NUP153: variants seen among roughly 807,000 people sequenced by gnomAD.
The protein encoded by NUP153 is nucleoporin 153, also known as nuclear pore complex protein Nup153.
NUP153 carries 27 observed loss-of-function variants against 134.6 expected under a neutral mutation model. The observed-to-expected ratio is 0.20, with a 90% CI of 0.15 to 0.28. The LOEUF (loss-of-function observed/expected upper bound fraction) is 0.28, where lower values mean the gene tolerates loss of function less well. NUP153 is among the 10% of genes least tolerant of loss of function. The pLI, the probability that NUP153 is intolerant of heterozygous loss-of-function variation, is 1.00. For synonymous variants in NUP153, 640 were observed against 623.5 expected (o/e 1.03, Z -0.40); for missense variants, 1,821 against 1,731.3 (o/e 1.05, Z -0.92).
At chr6:17,650,916 G>C (rs551724553) in intron 11 of NUP153, among the ~76,000 whole-genome samples, 16 of 152,266 alleles carry the variant, frequency 1.1e-4, no homozygotes, top group African/African-American at 3.4e-4. Flanking sequence ...ATTTTTACAG[G>C]ATGTGGTATG....
intron 1 of NUP153, among the ~76,000 whole-genome samples, chr6:17,693,816 G>C (rs1157296386): frequency 2.0e-5 from 3 of 152,050 alleles, no homozygotes; most frequent in African/African-American, 7.2e-5. Flanking sequence ...AACCCAGGAG[G>C]CAGAGGTTGC....
At chr6:17,690,323 T>C (rs1769201389) in intron 1 of NUP153, among the ~76,000 whole-genome samples, 1 of 110,256 alleles carries the variant, frequency 9.1e-6, no homozygotes, top group Non-Finnish European at 2.3e-5. Flanking sequence ...AAATAATTGC[T>C]TGAGAAAGCT....
At chr6:17,668,401 T>C (rs1767682050) in intron 8 of NUP153, among the ~76,000 whole-genome samples, 1 of 151,838 alleles carries the variant, frequency 6.6e-6, no homozygotes, top group Non-Finnish European at 1.5e-5. Context: ...TTTTTATTTA[T>C]CAAAAGGTAA....
intron 14 of NUP153, among the ~76,000 whole-genome samples, chr6:17,643,533 AT>A (rs1261463923): frequency 1.3e-5 from 2 of 152,174 alleles, no homozygotes; most frequent in African/African-American, 4.8e-5. Flanking sequence ...CAAACTTATA[AT>A]TTAATCACGT....
chr6:17,658,400 G>GAAAAC (rs550067793), intron 11 of NUP153, among the ~76,000 whole-genome samples: 54 of 152,122 alleles, frequency 3.5e-4, no homozygotes, highest in African/African-American at 9.9e-4. Context: ...TCTCAAAACA[G>GAAAAC]AAAACAAAAC....
chr6:17,647,976 T>C, intron 12 of NUP153, 71 bp from the exon 13 acceptor site: 1 of 897,148 alleles, frequency 1.1e-6, no homozygotes, highest in Non-Finnish European at 1.8e-6. Flanking sequence ...AAAAAAGACA[T>C]TAAGCAAACT....
chr6:17,654,843 T>TA (rs1204683641), intron 11 of NUP153, among the ~76,000 whole-genome samples: 3 of 151,812 alleles, frequency 2.0e-5, no homozygotes, highest in Admixed American at 6.6e-5. Flanking sequence ...TATTGTTACA[T>TA]ATGAAGAAAG....
At chr6:17,647,434 C>T (rs978554620) in intron 13 of NUP153, among the ~76,000 whole-genome samples, 2 of 152,108 alleles carry the variant, frequency 1.3e-5, no homozygotes, top group African/African-American at 4.8e-5. Context: ...AAAGGACAGT[C>T]TGGGGATAAT....
intron 2 of NUP153, among the ~76,000 whole-genome samples, chr6:17,682,381 T>C (rs907565575): frequency 1.3e-5 from 2 of 152,162 alleles, no homozygotes; most frequent in Non-Finnish European, 2.9e-5. Context: ...GGGTTGGTTG[T>C]AGCAATTTCT....
At chr6:17,703,385 C>T (rs946444696) in intron 1 of NUP153, among the ~76,000 whole-genome samples, 1 of 152,072 alleles carries the variant, frequency 6.6e-6, no homozygotes, top group African/African-American at 2.4e-5. Context: ...TGGCAAACAT[C>T]CATTAACTAA....
At position 17,700,759 on chromosome 6, in the gene NUP153, T is replaced by A. The variant is rs1770001591; in HGVS notation, c.111+5518A>T. On this transcript the variant is annotated intron_variant, in intron 1 of 21. Coordinates refer to ENST00000262077, the MANE Select transcript of NUP153 (RefSeq NM_005124.4). ...GGGCTGGGCCAAATTCAGACCTTGGTCTTTTTTCATACAAGCTAAGAATGG... is the reference window on the plus strand; with the variant it reads ...GGGCTGGGCCAAATTCAGACCTTGGACTTTTTTCATACAAGCTAAGAATGG... Among the ~76,000 whole-genome samples, 3 of 152,182 alleles carry A rather than the reference T, an allele frequency of 2.0e-5. No homozygotes were observed. The South Asian group carries it at 6.2e-4, about 32-fold the overall frequency.
intron 20 of NUP153, among the ~76,000 whole-genome samples, chr6:17,618,626 C>T (rs1661984855): frequency 6.7e-6 from 1 of 149,848 alleles, no homozygotes; most frequent in Non-Finnish European, 1.5e-5. Flanking sequence ...AGTGCAGTGG[C>T]ACGGTCTCAG....
At chr6:17,640,889 C>A (rs1046374196) in intron 14 of NUP153, among the ~76,000 whole-genome samples, 3 of 152,118 alleles carry the variant, frequency 2.0e-5, no homozygotes, top group Admixed American at 6.5e-5. Context: ...TCCCAAAGCA[C>A]TGGCATTACT....
chr6:17,683,951 A>C (rs1377464814), intron 2 of NUP153, among the ~76,000 whole-genome samples: 5 of 152,160 alleles, frequency 3.3e-5, no homozygotes, highest in African/African-American at 1.2e-4. Flanking sequence ...TCATGGGGGC[A>C]GATTCCTCAT....
chr6:17,643,938 A>T (rs1765994283), intron 14 of NUP153, among the ~76,000 whole-genome samples: 1 of 152,242 alleles, frequency 6.6e-6, no homozygotes, highest in Admixed American at 6.5e-5. Context: ...TAATTTGAAG[A>T]AATTTAATCC....
At chr6:17,625,000 T>A (rs1476273540) in intron 19 of NUP153, among the ~76,000 whole-genome samples, 167 bp from the exon 20 acceptor site, 2 of 152,140 alleles carry the variant, frequency 1.3e-5, no homozygotes, top group East Asian at 3.8e-4. Flanking sequence ...AATACAACGC[T>A]CTCTACCATT....
At chr6:17,696,020 C>A (rs1318292272) in intron 1 of NUP153, among the ~76,000 whole-genome samples, 1 of 150,958 alleles carries the variant, frequency 6.6e-6, no homozygotes, top group African/African-American at 2.4e-5. Context: ...AAAAAAAAAA[C>A]AGAAAAAGAA....
chr6:17,667,509 T>C (rs1021137080), intron 8 of NUP153, among the ~76,000 whole-genome samples: 1 of 152,008 alleles, frequency 6.6e-6, no homozygotes, highest in Non-Finnish European at 1.5e-5. Flanking sequence ...GGTCAAGAGA[T>C]CAAGGCTACC....
intron 5 of NUP153, among the ~76,000 whole-genome samples, chr6:17,669,853 G>A (rs78741611): frequency 0.041 from 6,180 of 152,030 alleles, 386 homozygotes; most frequent in East Asian, 0.29. Flanking sequence ...CAGCACTTTG[G>A]GAGGTGTGAG....
Sources: allele counts gnomAD v4.1 joint callset (sites outside exome capture counted in the v4.1 genomes callset), GRCh38; gene constraint gnomAD v4.1.1; transcripts MANE v1.5; gene names NCBI Gene and HGNC (gene_info 2026-07-23, HGNC 2026-07-21).